The following MTERF4 variants were observed in gnomAD, a reference collection of about 807,000 sequenced individuals.
MTERF4 encodes mitochondrial transcription termination factor 4.
MTERF4 carries 17 observed loss-of-function variants against 22.5 expected under a neutral mutation model. The ratio of observed to expected loss-of-function variants is 0.75; its 90% CI spans 0.52 to 1.13. The LOEUF (loss-of-function observed/expected upper bound fraction) is 1.13. MTERF4 is among the 50% of genes most tolerant of loss of function. The pLI, the probability that MTERF4 is intolerant of heterozygous loss-of-function variation, is 0.00. For missense variants in MTERF4, 420 were observed against 466.8 expected (o/e 0.90, Z 0.92); for synonymous variants, 165 against 175.3 (o/e 0.94, Z 0.47).
intron 4 of MTERF4, chr2:241,081,807 T>C: frequency 6.4e-7 from 1 of 1,553,342 alleles, no homozygotes; most frequent in Non-Finnish European, 8.7e-7. Flanking sequence ...AGTCGGGGCT[T>C]GGCCTCAGGG....
At chr2:241,069,052 A>G (rs1267336353), downstream of MTERF4, 3 of 1,455,004 alleles carry the variant, frequency 2.1e-6, no homozygotes, top group Admixed American at 6.2e-5. The surrounding 1 kb of genome is among the most constrained non-coding windows in gnomAD (Gnocchi z 4.9). Context: ...CCCCCGGCAC[A>G]CGAAAGGCCG....
downstream of MTERF4, chr2:241,067,840 G>A (rs1271499013): frequency 1.2e-6 from 2 of 1,613,306 alleles, no homozygotes; most frequent in African/African-American, 1.3e-5. Context: ...CCCTGCACAG[G>A]ATCCGCCATG....
At chr2:241,101,156 C>T (rs1301920511) in intron 1 of MTERF4, 3 of 465,254 alleles carry the variant, frequency 6.4e-6, no homozygotes, top group Admixed American at 2.4e-5. Flanking sequence ...AATAATTATA[C>T]AACTCACCAT....
chr2:241,090,903 G>A (rs28479891), downstream of MTERF4, among the ~76,000 whole-genome samples: 2,504 of 151,470 alleles, frequency 0.017, 62 homozygotes, highest in African/African-American at 0.058. Context: ...AATTCTGTAC[G>A]ATGGCTATGA....
At chr2:241,081,299 T>C (rs1325358119) in intron 4 of MTERF4, among the ~76,000 whole-genome samples, 1 of 151,164 alleles carries the variant, frequency 6.6e-6, no homozygotes, top group Non-Finnish European at 1.5e-5. Context: ...GCAGAAACCG[T>C]GTTCAGGGGC....
chr2:241,084,810 C>A (rs2063503322), downstream of MTERF4, among the ~76,000 whole-genome samples: 1 of 152,166 alleles, frequency 6.6e-6, no homozygotes, highest in Non-Finnish European at 1.5e-5. Context: ...TAGCACAGGT[C>A]TGCAGGAGAT....
downstream of MTERF4, among the ~76,000 whole-genome samples, chr2:241,068,167 G>A (rs2062543308): frequency 6.6e-6 from 1 of 152,180 alleles, no homozygotes; most frequent in South Asian, 2.1e-4. This position sits in a 1 kb window ranked among gnomAD's most constrained non-coding sequence, Gnocchi z 5.3. Context: ...ATACACCTTG[G>A]TAGTGTTTTA....
chr2:241,089,615 T>C (rs989927942), downstream of MTERF4, among the ~76,000 whole-genome samples: 2 of 152,244 alleles, frequency 1.3e-5, no homozygotes. Flanking sequence ...ATTCACTTCC[T>C]GTTGACTCGA....
At position 241,096,477 on chromosome 2, in the gene MTERF4, A is replaced by G. The variant is rs1559337550; in HGVS notation, c.706-39T>C. The G allele has an allele frequency of 1.9e-6, 3 of 1,600,162 alleles. No individual in the cohort carries two copies. Among genetic ancestry groups the G allele is most frequent in the Non-Finnish European group, 2.6e-6 (3 of 1,168,002 alleles). On this transcript the variant is annotated intron_variant, in intron 3 of 3. Coordinates refer to ENST00000391980, the MANE Select transcript of MTERF4 (RefSeq NM_182501.4). The surrounding 1 kb of genome is among the most constrained non-coding windows in gnomAD (Gnocchi z 5.1). ...ACACACTTAGGAGTCCCAGATACAG[A>G]GTATTGAAACCTATCATTCTATAAA...
chr2:241,067,759 C>T (rs776034276), downstream of MTERF4: 9 of 1,601,946 alleles, frequency 5.6e-6, 1 homozygote, highest in South Asian at 6.6e-5. Context: ...GTCCATTCCC[C>T]CTAGGACCCC....
At chr2:241,048,624 G>A in the MTERF4 span, 2 of 1,558,324 alleles carry the variant, frequency 1.3e-6, no homozygotes, top group Non-Finnish European at 1.7e-6. Context: ...ATCTTTCTGC[G>A]CCCCCACATG....
rs570233237 is a variant in MTERF4, at chr2:241,075,382, G to T, written n.780C>A. 1 of 152,316 alleles carries T rather than the reference G, an allele frequency of 6.6e-6. No individual in the cohort carries two copies. Among genetic ancestry groups the T allele is most frequent in the African/African-American group, 2.4e-5 (1 of 41,558 alleles). 9.4% of individuals were successfully genotyped at this position (152,316 alleles called of 1,614,324 possible). A position where few individuals can be genotyped will look rare whatever the true frequency, so the allele number is the denominator to read the frequency against. Reference sequence around the variant, plus strand: ...GTGAATCCAGTCTCTCTAGAACTAGGTTTTGCCGGGTTTGCAGATCCTACA... The same window carrying T: ...GTGAATCCAGTCTCTCTAGAACTAGTTTTTGCCGGGTTTGCAGATCCTACA... On this transcript the variant is annotated non_coding_transcript_exon_variant, in exon 5 of 5. Coordinates refer to the MTERF4 transcript ENST00000464344. The surrounding 1 kb of genome is among the most constrained non-coding windows in gnomAD (Gnocchi z 4.8).
At chr2:241,078,915 A>T (rs981803781) in intron 4 of MTERF4, among the ~76,000 whole-genome samples, 4 of 149,736 alleles carry the variant, frequency 2.7e-5, no homozygotes, top group Non-Finnish European at 4.4e-5. Flanking sequence ...GGAGTTCGAG[A>T]CCAGCCTGGC....
chr2:241,044,027 T>C, the MTERF4 span, among the ~76,000 whole-genome samples: 1 of 152,132 alleles, frequency 6.6e-6, no homozygotes, highest in Non-Finnish European at 1.5e-5. Flanking sequence ...AAGATATACA[T>C]TGTAAACCCA....
the MTERF4 span, chr2:241,051,297 A>C: frequency 6.3e-6 from 1 of 158,088 alleles, no homozygotes; most frequent in Non-Finnish European, 1.4e-5. This position sits in a 1 kb window ranked among gnomAD's most constrained non-coding sequence, Gnocchi z 4.7. Context: ...GACCCAGGGA[A>C]AATGTGGCAA....
chr2:241,101,475 C>A (rs995815140), intron 1 of MTERF4, among the ~76,000 whole-genome samples: 1 of 152,200 alleles, frequency 6.6e-6, no homozygotes, highest in Non-Finnish European at 1.5e-5. Context: ...GGGACGGTAC[C>A]GGGGGTTGGG....
chr2:241,067,619 G>C (rs532984251), downstream of MTERF4: 4 of 614,252 alleles, frequency 6.5e-6, no homozygotes, highest in Admixed American at 1.2e-4. Context: ...CTCAGCCCGA[G>C]TTCCCTGAGC....
At chr2:241,056,830 C>T in the MTERF4 span, among the ~76,000 whole-genome samples, 2 of 151,984 alleles carry the variant, frequency 1.3e-5, no homozygotes, top group Middle Eastern at 3.2e-3. Flanking sequence ...ATCCACCCGC[C>T]TCAGCCTCCC....
the MTERF4 span, chr2:241,053,123 C>T: frequency 4.4e-6 from 7 of 1,593,486 alleles, no homozygotes; most frequent in African/African-American, 8.0e-5. Flanking sequence ...AGGCACAGGA[C>T]CGTGCGAGAC....
Sources: gnomAD v4.1 joint callset for allele counts (sites outside exome capture counted in the v4.1 genomes callset) on GRCh38, gnomAD v4.1.1 for gene constraint, Gnocchi (gnomAD v3.1) non-coding constraint, MANE v1.5 for transcripts, NCBI Gene and HGNC (gene_info 2026-07-23, HGNC 2026-07-21) for gene names.